Variants in AUNIP observed in about 807,000 individuals in gnomAD.
The protein encoded by AUNIP is aurora kinase A and ninein interacting protein.
AUNIP carries 16 observed loss-of-function variants against 12.2 expected under a neutral mutation model. The ratio of observed to expected loss-of-function variants is 1.31; its 90% CI spans 0.88 to 1.99. AUNIP has a LOEUF of 1.99. Among genes scored for constraint, AUNIP ranks in the 30% most tolerant of loss-of-function variants. AUNIP has a pLI of 0.00. For missense variants in AUNIP, 411 were observed against 419.1 expected (o/e 0.98, Z 0.17); for synonymous variants, 142 against 154.8 (o/e 0.92, Z 0.61).
At chr1:25,851,284 G>A (rs564192470) in intron 1 of AUNIP, among the ~76,000 whole-genome samples, 1 of 152,096 alleles carries the variant, frequency 6.6e-6, no homozygotes, top group Non-Finnish European at 1.5e-5. Flanking sequence ...ATTTTGTTGA[G>A]TATTTTTGTA....
In AUNIP at chr1:25,837,563, G is replaced by A. The variant is rs1467707634; in HGVS notation, c.79-9C>T. 1.2e-6 allele frequency: 2 copies of A among 1,607,372 alleles called. No individual in the cohort carries two copies. The highest frequency in any genetic ancestry group is 1.7e-6 in the Non-Finnish European group (2 of 1,176,930). On this transcript the variant is annotated splice_polypyrimidine_tract_variant and intron_variant, in intron 1 of 2. Coordinates refer to ENST00000374298, the MANE Select transcript of AUNIP (RefSeq NM_024037.3). Reference sequence around the variant, plus strand: ...GGTTTGATTAAATGTGTCTGAGAAAGGAGAGAAAAAAGAATAATGAGCCTA... The same window carrying A: ...GGTTTGATTAAATGTGTCTGAGAAAAGAGAGAAAAAAGAATAATGAGCCTA...
At position 25,837,530 on chromosome 1, in the gene AUNIP, T is replaced by C; in HGVS notation, c.103A>G (p.Lys35Glu). Residue 35 changes from lysine (K) to glutamate (E), a missense_variant, in exon 2 of 3, where the codon AAA becomes GAA. By Grantham distance (56) the Lys-to-Glu change is moderately conservative (BLOSUM62 1). Transcript: ENST00000374298. The part of the protein sequence containing the change: ...VQTHLIKPGT[K>E]MLTLLPGERK... ...TCTCCAGGAAGGAGTGTTAGCATTTTGGTGCCTGGTTTGATTAAATGTGTC... is the reference window on the plus strand; with the variant it reads ...TCTCCAGGAAGGAGTGTTAGCATTTCGGTGCCTGGTTTGATTAAATGTGTC... 6.2e-7 allele frequency: 1 copy of C among 1,613,764 alleles called. No homozygotes were observed.
chr1:25,833,129 T>G (rs2048268576), downstream of AUNIP, among the ~76,000 whole-genome samples: 1 of 152,120 alleles, frequency 6.6e-6, no homozygotes, highest in Admixed American at 6.5e-5. Context: ...CTTTTTCTTT[T>G]TTTTAGAAAC....
At chr1:25,856,372 A>C (rs7364588) in intron 1 of AUNIP, among the ~76,000 whole-genome samples, 22,111 of 151,596 alleles carry the variant, frequency 0.15, 2,201 homozygotes, top group Non-Finnish European at 0.21. Context: ...TCAAAAAAAA[A>C]AAAACAAAAC....
intron 2 of AUNIP, 95 bp downstream of exon 2, chr1:25,837,315 CTGG>C: frequency 7.2e-7 from 1 of 1,395,418 alleles, no homozygotes; most frequent in Admixed American, 2.3e-5. Flanking sequence ...ACACAATGCA[CTGG>C]TTTCACCATT....
Position 25,835,768 on chromosome 1 carries a change from G to C in AUNIP, c.299C>G (p.Ala100Gly). 1 of 1,614,172 alleles carries C rather than the reference G, an allele frequency of 6.2e-7. No individual in the cohort carries two copies. Among genetic ancestry groups the C allele is most frequent in the Non-Finnish European group, 8.5e-7 (1 of 1,180,032 alleles). ...TGGGATCAAATGGTCTAGCTGGGTC[G>C]CATTTTTCTTGGACTCTTTGTTGAT... is the stretch of plus-strand genomic sequence containing the variant. ...SQINKESKKN[A>G]TQLDHLIPGL... is the part of the protein sequence containing the mutation. Residue 100 changes from alanine (A) to glycine (G), a missense_variant, in exon 3 of 3, where the codon GCG becomes GGG. Ala to Gly is a moderately conservative substitution (Grantham distance 60). Transcript: ENST00000374298.
chr1:25,833,942 A>G, downstream of AUNIP: 2 of 821,220 alleles, frequency 2.4e-6, no homozygotes, highest in Non-Finnish European at 2.9e-6. Context: ...AGCATATACT[A>G]TTACAGTGTT....
In AUNIP at chr1:25,859,381, C is replaced by A. The variant is rs1386034805; in HGVS notation, c.-24G>T. 1.3e-6 allele frequency: 2 copies of A among 1,492,056 alleles called. No homozygotes were observed. Among genetic ancestry groups the A allele is most frequent in the Admixed American group, 2.5e-5 (1 of 40,074 alleles). The allele number at this position is 1,492,056 out of a possible 1,614,324, so 92.4% of individuals were successfully genotyped here. ...ATGGCCGCTGAGGAGACGAAGCCGGCAGGACGCCGGCGCAGGCTCCCGGCG... is the reference window on the plus strand; with the variant it reads ...ATGGCCGCTGAGGAGACGAAGCCGGAAGGACGCCGGCGCAGGCTCCCGGCG... On this transcript the variant is annotated 5_prime_UTR_variant, in exon 1 of 3. Coordinates refer to ENST00000374298, the MANE Select transcript of AUNIP (RefSeq NM_024037.3).
At position 25,837,407 on chromosome 1, in the gene AUNIP, C is replaced by A; in HGVS notation, c.220+6G>T. ...TAATGAAGTATTCCCATATGGGTCA[C>A]CATACCTGGCTGCAAGGTGAAGAAG... On this transcript the variant is annotated splice_donor_region_variant and intron_variant, in intron 2 of 2. Coordinates refer to ENST00000374298, the MANE Select transcript of AUNIP (RefSeq NM_024037.3). The A allele has an allele frequency of 6.2e-7, 1 of 1,612,886 alleles. No homozygotes were observed. Among genetic ancestry groups the A allele is most frequent in the Non-Finnish European group, 8.5e-7 (1 of 1,179,484 alleles).
rs964732065 is a variant in AUNIP, at chr1:25,837,543, G to C, written c.90C>G (p.Ile30Met). The C allele has an allele frequency of 6.2e-7, 1 of 1,612,126 alleles. No homozygotes were observed. Among genetic ancestry groups the C allele is most frequent in the Non-Finnish European group, 8.5e-7 (1 of 1,179,160 alleles). Residue 30 changes from isoleucine (I) to methionine (M), a missense_variant, in exon 2 of 3, where the codon ATC becomes ATG. Physicochemically the swap from Ile to Met is conservative, Grantham distance 10. Transcript: ENST00000374298. ...GTGTTAGCATTTTGGTGCCTGGTTT[G>C]ATTAAATGTGTCTGAGAAAGGAGAG... ...LKRRKVQTHLIKPGTKMLTLL... is the reference protein window; with the variant it reads ...LKRRKVQTHLMKPGTKMLTLL...
intron 1 of AUNIP, among the ~76,000 whole-genome samples, chr1:25,850,983 G>T (rs1218287745): frequency 6.6e-6 from 1 of 152,158 alleles, no homozygotes; most frequent in African/African-American, 2.4e-5. Context: ...GAAACATTCA[G>T]TCTTCTTCCA....
At chr1:25,833,947 A>T, downstream of AUNIP, 1 of 841,804 alleles carries the variant, frequency 1.2e-6, no homozygotes, top group Non-Finnish European at 1.4e-6. Context: ...ATACTATTAC[A>T]GTGTTGCCTT....
At chr1:25,848,844 G>A (rs2048405612) in intron 1 of AUNIP, among the ~76,000 whole-genome samples, 1 of 152,228 alleles carries the variant, frequency 6.6e-6, no homozygotes, top group Admixed American at 6.5e-5. Flanking sequence ...GCTGAGAGCA[G>A]TTGGCATTGT....
At position 25,834,702 on chromosome 1, in the gene AUNIP, TA is replaced by T; in HGVS notation, c.*290del. On this transcript the variant is annotated 3_prime_UTR_variant, in exon 3 of 3. Transcript: ENST00000374298. Reference sequence around the variant, plus strand: ...AAGAGATGGCTCTGTGCAGGCTGAGTAAAAGGCACTTTCATAGAGATAAATA... The same window carrying T: ...AAGAGATGGCTCTGTGCAGGCTGAGTAAAGGCACTTTCATAGAGATAAATA... The T allele has an allele frequency of 8.5e-7, 1 of 1,179,486 alleles. No homozygotes were observed. Among genetic ancestry groups the T allele is most frequent in the Non-Finnish European group, 1.1e-6 (1 of 952,234 alleles). 73.1% of individuals were successfully genotyped at this position (1,179,486 alleles called of 1,614,324 possible).
chr1:25,840,305 T>C (rs890815609), intron 1 of AUNIP, among the ~76,000 whole-genome samples: 2 of 151,624 alleles, frequency 1.3e-5, no homozygotes, highest in East Asian at 1.9e-4. Flanking sequence ...CTGAAGACAA[T>C]AGTAACACAA....
Position 25,848,196 on chromosome 1 carries a change from T to G in AUNIP, c.79-10642A>C, listed in dbSNP as rs1276106879. 2.0e-5 allele frequency among the ~76,000 whole-genome samples: 3 copies of G among 152,140 alleles called. No homozygotes were observed. In the East Asian group the frequency reaches 5.8e-4, roughly 29 times the overall value. ...CTAGTTTACCCTCCTAAGCTCACCT[T>G]CAACTCCAGGGAATAGTCTACACTT... On this transcript the variant is annotated intron_variant, in intron 1 of 2. Coordinates refer to ENST00000374298, the MANE Select transcript of AUNIP (RefSeq NM_024037.3).
In AUNIP at chr1:25,834,956, C is replaced by G; in HGVS notation, c.*37G>C. On this transcript the variant is annotated 3_prime_UTR_variant, in exon 3 of 3. Transcript: ENST00000374298. ...CAACTATATTTTCCTACATCTCTAT[C>G]ATTTCAAGGTACTTTTAGAAACAAA... The G allele has an allele frequency of 6.4e-7, 1 of 1,571,976 alleles. No homozygotes were observed. Among genetic ancestry groups the G allele is most frequent in the Non-Finnish European group, 8.6e-7 (1 of 1,160,780 alleles).
chr1:25,848,465 A>AGTT (rs60374075), intron 1 of AUNIP, among the ~76,000 whole-genome samples: 37,680 of 133,278 alleles, frequency 0.28, 6,563 homozygotes, highest in African/African-American at 0.49. Flanking sequence ...CCGGGCAAAA[A>AGTT]TTTTTGAAAC....
chr1:25,850,630 T>C (rs1486494353), intron 1 of AUNIP, among the ~76,000 whole-genome samples: 1 of 152,220 alleles, frequency 6.6e-6, no homozygotes, highest in Non-Finnish European at 1.5e-5. Flanking sequence ...TCTTGCACTG[T>C]TTTGTTAAAT....
Sources: allele counts gnomAD v4.1 joint callset (sites outside exome capture counted in the v4.1 genomes callset), GRCh38; gene constraint gnomAD v4.1.1; transcripts MANE v1.5; gene names NCBI Gene and HGNC (gene_info 2026-07-23, HGNC 2026-07-21).